The following EXD2 variants were observed in gnomAD, a reference collection of about 807,000 sequenced individuals.
EXD2 encodes the protein exonuclease 3'-5' domain containing 2, also known as exonuclease 3'-5' domain-containing protein 2.
In EXD2, 40 loss-of-function variants were observed where a neutral mutation model predicts 62.5. The observed-to-expected ratio is 0.64, with a 90% CI of 0.50 to 0.83. The LOEUF is 0.83. Ranked by LOEUF, EXD2 falls within the 40% of genes least tolerant of loss-of-function variation. EXD2 has a pLI of 0.00. For missense variants in EXD2, 671 were observed against 761.8 expected (o/e 0.88, Z 1.40); for synonymous variants, 239 against 291.9 (o/e 0.82, Z 1.85).
intron 6 of EXD2, chr14:69,235,753 C>T: frequency 2.6e-6 from 1 of 389,922 alleles, no homozygotes; most frequent in Non-Finnish European, 4.7e-6. Context: ...TTGCTTGGTT[C>T]TTTTTTGCAT....
In EXD2 at chr14:69,241,831, T is replaced by C. The variant is rs1002801849; in HGVS notation, c.*731T>C. 2 of 398,934 alleles carry C rather than the reference T, an allele frequency of 5.0e-6. No individual in the cohort carries two copies. The highest frequency in any genetic ancestry group is 8.8e-6 in the Non-Finnish European group (2 of 226,072). The allele number at this position is 398,934 out of a possible 1,614,324, so 24.7% of individuals were successfully genotyped here. A position where few individuals can be genotyped will look rare whatever the true frequency, so the allele number is the denominator to read the frequency against. On this transcript the variant is annotated 3_prime_UTR_variant, in exon 10 of 10. Transcript: ENST00000685843. ...ACAAACTCCATCTCCCAATAGAACTTTGAAATTCACTCAGCTTTTCCTTTC... is the reference window on the plus strand; with the variant it reads ...ACAAACTCCATCTCCCAATAGAACTCTGAAATTCACTCAGCTTTTCCTTTC...
chr14:69,195,994 T>G (rs1461047829), intron 1 of EXD2: 1 of 152,216 alleles, frequency 6.6e-6, no homozygotes, highest in Non-Finnish European at 1.5e-5. Context: ...AATTAAGGTG[T>G]CAGCAGGGTT....
chr14:69,238,420 T>C (rs972934146), intron 9 of EXD2, among the ~76,000 whole-genome samples: 4 of 152,186 alleles, frequency 2.6e-5, no homozygotes, highest in Admixed American at 6.5e-5. Flanking sequence ...GTGCCTGATA[T>C]ACAATGGCAT....
intron 9 of EXD2, among the ~76,000 whole-genome samples, chr14:69,240,577 A>G (rs965904998): frequency 6.6e-6 from 1 of 152,174 alleles, no homozygotes. Flanking sequence ...ATGGAAGACC[A>G]GCATTCTTCA....
intron 3 of EXD2, among the ~76,000 whole-genome samples, chr14:69,215,326 G>A (rs1242010233): frequency 6.7e-6 from 1 of 149,396 alleles, no homozygotes; most frequent in East Asian, 2.0e-4. Context: ...GTGTGTGTGT[G>A]TGTGTGTATA....
chr14:69,211,561 C>T (rs1028146435), intron 3 of EXD2, among the ~76,000 whole-genome samples: 9 of 151,162 alleles, frequency 6.0e-5, no homozygotes, highest in Non-Finnish European at 1.3e-4. Context: ...AAAGCCCTTA[C>T]ACCACAGCTA....
chr14:69,238,480 T>A (rs2043873761), intron 9 of EXD2, among the ~76,000 whole-genome samples: 1 of 152,210 alleles, frequency 6.6e-6, no homozygotes. Context: ...TTAAATAACC[T>A]GTAAATTACT....
At position 69,229,091 on chromosome 14, in the gene EXD2, C is replaced by T. The variant is rs1427261644; in HGVS notation, c.590+19C>T. The T allele has an allele frequency of 1.9e-6, 3 of 1,611,448 alleles. No individual in the cohort carries two copies. Among genetic ancestry groups the T allele is most frequent in the African/African-American group, 1.3e-5 (1 of 74,852 alleles). ...GGCAGAGGTGTGGTTTGTATGAATG[C>T]TGGGATTCCTATAGCTGCGGGACAA... is the stretch of plus-strand genomic sequence containing the variant. On this transcript the variant is annotated intron_variant, in intron 4 of 9. Transcript: ENST00000685843.
intron 2 of EXD2, among the ~76,000 whole-genome samples, chr14:69,205,839 G>A (rs568261673): frequency 1.3e-5 from 2 of 152,226 alleles, no homozygotes; most frequent in Admixed American, 6.5e-5. Context: ...CTTTTATGAG[G>A]ATAATGTGAA....
chr14:69,217,553 A>G, intron 3 of EXD2, among the ~76,000 whole-genome samples: 1 of 149,346 alleles, frequency 6.7e-6, no homozygotes, highest in East Asian at 2.0e-4. Context: ...TTTTTTTTTT[A>G]TTATACTTTA....
chr14:69,201,672 G>GTTTTTTGTTTTTTTTTTTTTTTTT lies in EXD2; in HGVS notation c.-131-2239_-131-2238insGTTTTTTTTTTTTTTTTTTTTTTT, dbSNP rs2042402768. Reference sequence around the variant, plus strand: ...GTCTCTCTCAGCAAGTGTTTTCTCTGTTTTTTTTTTTTTTTTTTTTTTTTT... The same window carrying GTTTTTTGTTTTTTTTTTTTTTTTT: ...GTCTCTCTCAGCAAGTGTTTTCTCTGTTTTTTGTTTTTTTTTTTTTTTTTTTTTTTTTTTTTTTTTTTTTTTTTT... On this transcript the variant is annotated intron_variant, in intron 1 of 9. Transcript: ENST00000685843. Among the ~76,000 whole-genome samples the GTTTTTTGTTTTTTTTTTTTTTTTT allele has an allele frequency of 9.7e-4, 57 of 59,026 alleles. 3 individuals carry two copies. Among genetic ancestry groups the GTTTTTTGTTTTTTTTTTTTTTTTT allele is most frequent in the African/African-American group, 3.7e-3 (54 of 14,716 alleles). The allele number at this position is 59,026 out of a possible 152,430, so 38.7% of individuals were successfully genotyped here.
At chr14:69,201,062 A>G (rs2042380944) in intron 1 of EXD2, among the ~76,000 whole-genome samples, 1 of 151,978 alleles carries the variant, frequency 6.6e-6, no homozygotes. Context: ...TGACAAGAGC[A>G]AAACTCCATC....
rs138719455 is a variant in EXD2, at chr14:69,224,848, G to A, written c.334-3968G>A. Among the ~76,000 whole-genome samples the A allele has an allele frequency of 7.9e-3, 1,202 of 151,994 alleles. 17 individuals are homozygous for A. The highest frequency in any genetic ancestry group is 0.027 in the African/African-American group (1,139 of 41,432). The stretch of plus-strand genomic sequence containing the variant: ...ACAAAAATTAGCTGGGTGTGGTAGC[G>A]GGCACCTGAAGTCCCAGCTACTCAG... On this transcript the variant is annotated intron_variant, in intron 3 of 9. Transcript: ENST00000685843.
At chr14:69,192,544 G>A (rs1018734238) in intron 1 of EXD2, among the ~76,000 whole-genome samples, 1 of 152,020 alleles carries the variant, frequency 6.6e-6, no homozygotes, top group Admixed American at 6.6e-5. Flanking sequence ...TGAGGGTGGG[G>A]AGTGTGGAAG....
intron 1 of EXD2, among the ~76,000 whole-genome samples, chr14:69,199,476 T>C (rs578109780): frequency 6.6e-6 from 1 of 152,382 alleles, no homozygotes; most frequent in South Asian, 2.1e-4. Context: ...ATAACTTTTT[T>C]ATTTTATAAA....
At chr14:69,230,847 G>A (rs2331955) in intron 5 of EXD2, among the ~76,000 whole-genome samples, 109,726 of 152,062 alleles carry the variant, frequency 0.72, 40,768 homozygotes, top group East Asian at 1. Flanking sequence ...CAGTGGTACG[G>A]TCTTGGCTCA....
At chr14:69,230,734 C>A in intron 5 of EXD2, 136 bp downstream of exon 5, 1 of 974,600 alleles carries the variant, frequency 1.0e-6, no homozygotes, top group Non-Finnish European at 1.5e-6. Context: ...TCTGGTGATA[C>A]TCCAGCTAAC....
intron 3 of EXD2, among the ~76,000 whole-genome samples, chr14:69,219,509 C>T (rs1405617994): frequency 1.3e-5 from 2 of 152,092 alleles, no homozygotes; most frequent in African/African-American, 4.8e-5. Context: ...GGTATATATC[C>T]AGTAGTGGAA....
chr14:69,238,994 T>G (rs1028354085), intron 9 of EXD2, among the ~76,000 whole-genome samples: 4 of 152,210 alleles, frequency 2.6e-5, no homozygotes, highest in Non-Finnish European at 5.9e-5. Flanking sequence ...GGGCCAATTC[T>G]ATGTGTGGTT....
Sources: gnomAD v4.1 joint callset for allele counts (sites outside exome capture counted in the v4.1 genomes callset) on GRCh38, gnomAD v4.1.1 for gene constraint, MANE v1.5 for transcripts, NCBI Gene and HGNC (gene_info 2026-07-23, HGNC 2026-07-21) for gene names.